The following SAMD4A variants were observed in gnomAD, a reference collection of about 807,000 sequenced individuals.
The protein encoded by SAMD4A is protein Smaug homolog 1.
SAMD4A carries 33 observed loss-of-function variants against 81.3 expected under a neutral mutation model. The ratio of observed to expected loss-of-function variants is 0.41; its 90% CI spans 0.31 to 0.54. The LOEUF is 0.54. SAMD4A is among the 20% of genes least tolerant of loss of function. The pLI is 0.37. For synonymous variants in SAMD4A, 389 were observed against 382.1 expected, an observed-to-expected ratio of 1.02 and a Z score of -0.21; for missense variants, 854 against 951.1, an observed-to-expected ratio of 0.90 and a Z score of 1.34.
chr14:54,760,988 ACTGAAAGTGT>A (rs1172842150), intron 7 of SAMD4A, among the ~76,000 whole-genome samples: 1 of 119,880 alleles, frequency 8.3e-6, no homozygotes, highest in Non-Finnish European at 1.7e-5. Context: ...TCTCCTCACC[ACTGAAAGTGT>A]TCTCAGATGT....
rs550223224 is a variant in SAMD4A, at chr14:54,741,635, A to G, written c.979+4348A>G. Among the ~76,000 whole-genome samples, 6 of 152,364 alleles carry G rather than the reference A, an allele frequency of 3.9e-5. No homozygotes were observed. In the South Asian group the frequency reaches 1.2e-3, roughly 32 times the overall value. Reference sequence around the variant, plus strand: ...AGGCACTTAATGCAAGTGCCCTGCTATGAAAATATGCTGTCTTAAAGACTT... The same window carrying G: ...AGGCACTTAATGCAAGTGCCCTGCTGTGAAAATATGCTGTCTTAAAGACTT... On this transcript the variant is annotated intron_variant, in intron 4 of 12. Coordinates refer to ENST00000554335, the MANE Select transcript of SAMD4A (RefSeq NM_015589.6).
intron 3 of SAMD4A, among the ~76,000 whole-genome samples, chr14:54,736,233 C>T (rs1016591012): frequency 3.3e-5 from 5 of 152,158 alleles, no homozygotes; most frequent in South Asian, 2.1e-4. Flanking sequence ...ATGGGGGCTG[C>T]GCAGATGTTG....
At chr14:54,658,984 A>G (rs1486969874) in intron 2 of SAMD4A, among the ~76,000 whole-genome samples, 2 of 152,222 alleles carry the variant, frequency 1.3e-5, no homozygotes, top group Admixed American at 1.3e-4. Flanking sequence ...TCTGAGATTC[A>G]GTTTGCACAC....
At chr14:54,659,312 T>C (rs1026250298) in intron 2 of SAMD4A, among the ~76,000 whole-genome samples, 1 of 152,148 alleles carries the variant, frequency 6.6e-6, no homozygotes, top group Non-Finnish European at 1.5e-5. Context: ...TACATCATAG[T>C]TGGGGACTCA....
rs755551949 is a variant in SAMD4A at position 54,737,010 on chromosome 14, A to T, written c.716-14A>T. 10 of 1,594,420 alleles carry T rather than the reference A, an allele frequency of 6.3e-6. No homozygotes were observed. The highest frequency in any genetic ancestry group is 1.7e-4 in the Middle Eastern group (1 of 5,994). ...GGGGGGGAATAACCTATTTCATTTT[A>T]TTTTTTTTTCCAGTTCTCTCAGGCC... On this transcript the variant is annotated splice_polypyrimidine_tract_variant and intron_variant, in intron 3 of 12. Transcript: ENST00000554335.
rs954292229 is a variant in SAMD4A, at chr14:54,573,317, A to G, written c.196+5205A>G. 5.9e-5 allele frequency among the ~76,000 whole-genome samples: 9 copies of G among 152,354 alleles called. No individual in the cohort carries two copies. In the East Asian group the frequency reaches 1.7e-3, roughly 29 times the overall value. On this transcript the variant is annotated intron_variant, in intron 2 of 12. Transcript: ENST00000554335. ...GGCCCCATCAAAGCAAGTAAAAGGC[A>G]GAGAAACTTCACAACAGTCAAATTG...
intron 4 of SAMD4A, among the ~76,000 whole-genome samples, chr14:54,742,317 G>A (rs1436239073): frequency 6.6e-6 from 1 of 152,128 alleles, no homozygotes; most frequent in East Asian, 1.9e-4. Context: ...CTAAGGCAAA[G>A]GACATAGAGG....
At chr14:54,694,385 TCAAGGATACTC>T (rs1464063832) in intron 2 of SAMD4A, 1 of 152,446 alleles carries the variant, frequency 6.6e-6, no homozygotes, top group Non-Finnish European at 1.5e-5. Context: ...GAGAAAGGAG[TCAAGGATACTC>T]CAAGGTTTTG....
intron 8 of SAMD4A, among the ~76,000 whole-genome samples, chr14:54,769,173 C>CATG (rs974628565): frequency 7.2e-5 from 11 of 152,304 alleles, no homozygotes; most frequent in Admixed American, 5.9e-4. Flanking sequence ...TAGAACACCT[C>CATG]ATGTTCATGC....
chr14:54,602,526 G>T (rs1232606361), intron 2 of SAMD4A, among the ~76,000 whole-genome samples: 2 of 152,084 alleles, frequency 1.3e-5, no homozygotes, highest in African/African-American at 2.4e-5. Flanking sequence ...AAATGTTCTT[G>T]TGGGAATGAC....
At chr14:54,626,055 T>TGCGCGC (rs1360303148) in intron 2 of SAMD4A, among the ~76,000 whole-genome samples, 85 of 108,282 alleles carry the variant, frequency 7.8e-4, no homozygotes, top group Non-Finnish European at 1.3e-3. Context: ...TGTGTGTGTG[T>TGCGCGC]GTGTGCGCGC....
intron 3 of SAMD4A, among the ~76,000 whole-genome samples, chr14:54,722,112 G>A (rs745954482): frequency 1.2e-4 from 19 of 152,282 alleles, no homozygotes; most frequent in Middle Eastern, 6.8e-3. Flanking sequence ...CTTTCATGGC[G>A]ACTTCAGCTT....
At chr14:54,714,707 T>C (rs962385319) in intron 3 of SAMD4A, among the ~76,000 whole-genome samples, 1 of 152,196 alleles carries the variant, frequency 6.6e-6, no homozygotes, top group African/African-American at 2.4e-5. Flanking sequence ...TGTAAAGCAC[T>C]TGCCAGTAGG....
chr14:54,611,373 G>A (rs543717055), intron 2 of SAMD4A, among the ~76,000 whole-genome samples: 6 of 152,252 alleles, frequency 3.9e-5, no homozygotes, highest in Admixed American at 1.3e-4. Context: ...GTGGCCTTCC[G>A]AGTGGGCAGA....
At chr14:54,777,834 G>C (rs891221589) in intron 11 of SAMD4A, among the ~76,000 whole-genome samples, 1 of 152,166 alleles carries the variant, frequency 6.6e-6, no homozygotes, top group African/African-American at 2.4e-5. Context: ...TTGTTTTAAA[G>C]CTCCTTTTCT....
chr14:54,726,409 A>G (rs547485757), intron 3 of SAMD4A, among the ~76,000 whole-genome samples: 73 of 152,308 alleles, frequency 4.8e-4, no homozygotes, highest in Non-Finnish European at 9.0e-4. Flanking sequence ...GAGCTAAAGA[A>G]CCTGAACAGA....
intron 2 of SAMD4A, among the ~76,000 whole-genome samples, chr14:54,650,285 G>A (rs1299293556): frequency 1.3e-5 from 2 of 152,206 alleles, no homozygotes; most frequent in Non-Finnish European, 2.9e-5. Flanking sequence ...GAACCTGCAT[G>A]AGTAACCAAT....
intron 4 of SAMD4A, among the ~76,000 whole-genome samples, chr14:54,745,925 A>C (rs949226429): frequency 6.6e-6 from 1 of 152,232 alleles, no homozygotes; most frequent in African/African-American, 2.4e-5. Context: ...ACAGAATGTA[A>C]AAGGTAGATG....
chr14:54,651,526 A>T (rs1442873626), intron 2 of SAMD4A, among the ~76,000 whole-genome samples: 1 of 152,204 alleles, frequency 6.6e-6, no homozygotes, highest in African/African-American at 2.4e-5. Context: ...AGTGCTTTGC[A>T]ACTAATGGGT....
Sources: gnomAD v4.1 joint callset for allele counts (sites outside exome capture counted in the v4.1 genomes callset) on GRCh38, gnomAD v4.1.1 for gene constraint, MANE v1.5 for transcripts, NCBI Gene and HGNC (gene_info 2026-07-23, HGNC 2026-07-21) for gene names.